The following TRIM11 variants were observed in gnomAD, a reference collection of about 807,000 sequenced individuals.
TRIM11 encodes tripartite motif containing 11.
TRIM11 carries 15 observed loss-of-function variants against 33.4 expected under a neutral mutation model. The ratio of observed to expected loss-of-function variants is 0.45; its 90% CI spans 0.30 to 0.69. The LOEUF (loss-of-function observed/expected upper bound fraction) is 0.69. TRIM11 is among the 30% of genes least tolerant of loss of function. The probability of loss-of-function intolerance (pLI) is 0.08; values close to 1 mark genes in which losing one functional copy is unlikely to be tolerated. For missense variants in TRIM11, 499 were observed against 667.6 expected (o/e 0.75, Z 2.78); for synonymous variants, 281 against 302.6 (o/e 0.93, Z 0.74).
rs2074959759 is a variant in TRIM11, at chr1:228,394,477, C to T, written c.*228G>A. 4 of 550,834 alleles carry T rather than the reference C, an allele frequency of 7.3e-6. No homozygotes were observed. Among genetic ancestry groups the T allele is most frequent in the Middle Eastern group, 4.7e-4 (1 of 2,134 alleles). The allele number at this position is 550,834 out of a possible 1,614,324, so 34.1% of individuals were successfully genotyped here. ...AGGGCTGTTGGCATTAAGTGGCACC[C>T]GGTGGCTGGAGGGGTCTCCCAGGGA... On this transcript the variant is annotated 3_prime_UTR_variant, in exon 6 of 6. Coordinates refer to ENST00000284551, the MANE Select transcript of TRIM11 (RefSeq NM_145214.3). The surrounding 1 kb of genome is among the most constrained non-coding windows in gnomAD (Gnocchi z 6.2).
intron 3 of TRIM11, among the ~76,000 whole-genome samples, chr1:228,399,347 G>A (rs918780432): frequency 1.3e-5 from 2 of 152,174 alleles, no homozygotes; most frequent in African/African-American, 4.8e-5. Flanking sequence ...GGACCTCCCT[G>A]AAGCCTTGTA....
rs1001801488 is a variant in TRIM11, at chr1:228,394,563, C to T, written c.*142G>A. 5.3e-6 allele frequency: 5 copies of T among 945,336 alleles called. No individual in the cohort carries two copies. The highest frequency in any genetic ancestry group is 6.1e-6 in the Non-Finnish European group (4 of 653,904). 58.6% of individuals were successfully genotyped at this position (945,336 alleles called of 1,614,324 possible). On this transcript the variant is annotated 3_prime_UTR_variant, in exon 6 of 6. Coordinates refer to ENST00000284551, the MANE Select transcript of TRIM11 (RefSeq NM_145214.3). This position sits in a 1 kb window ranked among gnomAD's most constrained non-coding sequence, Gnocchi z 6.2. ...TGGAGTGCTAGAATTGGGGTTCTCC[C>T]ACGCAGGCTCAGAAAGGCACCAGGA...
In TRIM11 at chr1:228,394,047, GC is replaced by G. The variant is rs2074955791; in HGVS notation, c.*657del. 6.6e-6 allele frequency: 1 copy of G among 152,358 alleles called. No homozygotes were observed. Among genetic ancestry groups the G allele is most frequent in the South Asian group, 2.1e-4 (1 of 4,834 alleles). 9.4% of individuals were successfully genotyped at this position (152,358 alleles called of 1,614,324 possible). On this transcript the variant is annotated 3_prime_UTR_variant, in exon 6 of 6. Coordinates refer to ENST00000284551, the MANE Select transcript of TRIM11 (RefSeq NM_145214.3). The surrounding 1 kb of genome is among the most constrained non-coding windows in gnomAD (Gnocchi z 6.2). The stretch of plus-strand genomic sequence containing the variant: ...TTCTGGGCTCTGCTCTCTCCTCTAG[GC>G]CCACACACCTGCTGAACAGACATCT...
chr1:228,396,835 A>G (rs2074990357), intron 5 of TRIM11, 112 bp downstream of exon 5: 2 of 968,596 alleles, frequency 2.1e-6, no homozygotes. Flanking sequence ...CCACCATGAC[A>G]CTGTGAGTTT....
chr1:228,394,940 T>C lies in TRIM11; in HGVS notation c.1172A>G (p.Glu391Gly), dbSNP rs781264146. The stretch of plus-strand genomic sequence containing the variant: ...GTCCCGGAGTGGAGCCAAGGCCCGT[T>C]CCGAGGAATTGTAATAGCTCCCCAG... ...VFLGSYYNSS[E>G]RALAPLRDPP... Residue 391 changes from glutamate (E) to glycine (G), a missense_variant, in exon 6 of 6, where the codon GAA (glutamate) becomes GGA (glycine). Coordinates refer to ENST00000284551, the MANE Select transcript of TRIM11 (RefSeq NM_145214.3). This position sits in a 1 kb window ranked among gnomAD's most constrained non-coding sequence, Gnocchi z 6.2. The C allele has an allele frequency of 1.9e-6, 3 of 1,613,934 alleles. No individual in the cohort carries two copies. The African/African-American group carries it at 4.0e-5, about 22-fold the overall frequency.
In TRIM11 at chr1:228,395,904, C is replaced by T. The variant is rs2074982786; in HGVS notation, c.860-652G>A. ...AACCCTGACCACTCCGATTTCAGAT[C>T]TATCCACCTCTGGAGGCCTGCACAC... On this transcript the variant is annotated intron_variant, in intron 5 of 5. Transcript: ENST00000284551. This position sits in a 1 kb window ranked among gnomAD's most constrained non-coding sequence, Gnocchi z 4.8. 1 of 152,300 alleles carries T rather than the reference C, an allele frequency of 6.6e-6. No individual in the cohort carries two copies. The highest frequency in any genetic ancestry group is 2.1e-4 in the South Asian group (1 of 4,838). 9.4% of individuals were successfully genotyped at this position (152,300 alleles called of 1,614,324 possible).
At position 228,395,091 on chromosome 1, in the gene TRIM11, G is replaced by T. The variant is rs778866651; in HGVS notation, c.1021C>A (p.Arg341Ser). 3 of 1,603,830 alleles carry T rather than the reference G, an allele frequency of 1.9e-6. No homozygotes were observed. The highest frequency in any genetic ancestry group is 3.4e-5 in the Admixed American group (2 of 59,476). Reference protein sequence around the residue: ...VLGQERFTSGRHYWEVEVGDR... With the variant: ...VLGQERFTSGSHYWEVEVGDR... ...CCAACCTCCACCTCCCAGTAGTGGC[G>T]GCCTGAGGTGAAGCGCTCCTGGCCC... Residue 341 changes from arginine (R) to serine (S), a missense_variant, in exon 6 of 6, where the codon CGC becomes AGC. Physicochemically the swap from Arg to Ser is moderately radical, Grantham distance 110. Coordinates refer to ENST00000284551, the MANE Select transcript of TRIM11 (RefSeq NM_145214.3). The surrounding 1 kb of genome is among the most constrained non-coding windows in gnomAD (Gnocchi z 4.8).
chr1:228,397,384 T>C (rs2074995989), intron 3 of TRIM11: 2 of 605,656 alleles, frequency 3.3e-6, no homozygotes, highest in East Asian at 2.8e-5. Context: ...GCATCACCAA[T>C]GGGGTGCAGC....
Position 228,400,943 on chromosome 1 carries a change from G to A in TRIM11, c.735+21C>T. The A allele has an allele frequency of 6.5e-7, 1 of 1,529,096 alleles. No individual in the cohort carries two copies. 94.7% of individuals were successfully genotyped at this position (1,529,096 alleles called of 1,614,324 possible). A position where few individuals can be genotyped will look rare whatever the true frequency, so the allele number is the denominator to read the frequency against. On this transcript the variant is annotated intron_variant, in intron 3 of 5. Transcript: ENST00000284551. This position sits in a 1 kb window ranked among gnomAD's most constrained non-coding sequence, Gnocchi z 4.5. ...AGGCCATGCCCGTGTGGCCACCATG[G>A]CTGCTCCCCGCCCAGCTCACCTGCA... is the stretch of plus-strand genomic sequence containing the variant.
At position 228,397,130 on chromosome 1, in the gene TRIM11, G is replaced by A; in HGVS notation, c.758+13C>T. ...CCCTCCTGCCCCCCCTCCAGGAGAGGCTGGGTTCGTACCTGCGCAGGGCGT... is the reference window on the plus strand; with the variant it reads ...CCCTCCTGCCCCCCCTCCAGGAGAGACTGGGTTCGTACCTGCGCAGGGCGT... On this transcript the variant is annotated intron_variant, in intron 4 of 5. Coordinates refer to ENST00000284551, the MANE Select transcript of TRIM11 (RefSeq NM_145214.3). 6.2e-7 allele frequency: 1 copy of A among 1,613,906 alleles called. No homozygotes were observed. The highest frequency in any genetic ancestry group is 8.5e-7 in the Non-Finnish European group (1 of 1,179,872).
Position 228,406,189 on chromosome 1 carries a change from CGCGGTGCGCCCAGT to C in TRIM11, c.359_372del (p.His120ArgfsTer38). On this transcript the variant is annotated frameshift_variant, in exon 1 of 6. Coordinates refer to ENST00000284551, the MANE Select transcript of TRIM11 (RefSeq NM_145214.3). LOFTEE classifies it high-confidence loss of function. This position sits in a 1 kb window ranked among gnomAD's most constrained non-coding sequence, Gnocchi z 8.2. Reference sequence around the variant, plus strand: ...TCGGCCGCGTCCTGCAGCGGCCGCACGCGGTGCGCCCAGTGCTCCCCAGAGCGCTCGCAGGCCGC... The same window carrying C: ...TCGGCCGCGTCCTGCAGCGGCCGCACGCTCCCCAGAGCGCTCGCAGGCCGC... 7.0e-7 allele frequency: 1 copy of C among 1,435,020 alleles called. No individual in the cohort carries two copies. Among genetic ancestry groups the C allele is most frequent in the Non-Finnish European group, 9.1e-7 (1 of 1,102,848 alleles). The allele number at this position is 1,435,020 out of a possible 1,614,324, so 88.9% of individuals were successfully genotyped here.
In TRIM11 at chr1:228,401,064, C is replaced by T. The variant is rs771612251; in HGVS notation, c.635G>A (p.Arg212Gln). The change falls in exon 3 of 6, where the codon CGG (arginine) becomes CAG (glutamine). Residue 212 changes from arginine (R) to glutamine (Q), a missense_variant. By Grantham distance (43) the Arg-to-Gln change is conservative. Transcript: ENST00000284551. This position sits in a 1 kb window ranked among gnomAD's most constrained non-coding sequence, Gnocchi z 6.1. ...EEELEVLPRLREGAAHLGQQS... is the reference protein window; with the variant it reads ...EEELEVLPRLQEGAAHLGQQS... ...CTGGCCTAGGTGGGCTGCGCCCTCC[C>T]GCAGCCGGGGCAGCACCTCCAGCTC... 54 of 1,612,782 alleles carry T rather than the reference C, an allele frequency of 3.3e-5. No individual in the cohort carries two copies. The highest frequency in any genetic ancestry group is 1.1e-4 in the South Asian group (10 of 91,050).
intron 3 of TRIM11, among the ~76,000 whole-genome samples, chr1:228,399,933 A>C (rs1205283247): frequency 6.6e-6 from 1 of 151,974 alleles, no homozygotes; most frequent in Non-Finnish European, 1.5e-5. Context: ...AAAAAAGCTT[A>C]CAATAGAAAT....
intron 1 of TRIM11, chr1:228,405,052 T>C (rs1050109625): frequency 6.6e-5 from 10 of 152,252 alleles, no homozygotes; most frequent in South Asian, 2.1e-4. Context: ...GTCAACTCTA[T>C]AGAGCTATTG....
intron 3 of TRIM11, among the ~76,000 whole-genome samples, chr1:228,399,329 G>A (rs1262316054): frequency 6.6e-6 from 1 of 152,190 alleles, no homozygotes; most frequent in Non-Finnish European, 1.5e-5. Flanking sequence ...AGGTTGGGGG[G>A]ACAGGAGGGA....
At chr1:228,405,876 C>G (rs905067699) in intron 1 of TRIM11, 8 of 390,984 alleles carry the variant, frequency 2.0e-5, no homozygotes, top group Non-Finnish European at 3.2e-5. Flanking sequence ...TAGCCTCTAT[C>G]TATGAGAGGT....
chr1:228,406,324 G>C lies in TRIM11; in HGVS notation c.238C>G (p.Arg80Gly). 3 of 1,471,556 alleles carry C rather than the reference G, an allele frequency of 2.0e-6. No individual in the cohort carries two copies. Among genetic ancestry groups the C allele is most frequent in the Non-Finnish European group, 2.7e-6 (3 of 1,114,404 alleles). 91.2% of individuals were successfully genotyped at this position (1,471,556 alleles called of 1,614,324 possible). The change falls in exon 1 of 6, where the codon CGC (arginine) becomes GGC (glycine). Residue 80 changes from arginine to glycine, a missense_variant. Coordinates refer to ENST00000284551, the MANE Select transcript of TRIM11 (RefSeq NM_145214.3). The surrounding 1 kb of genome is among the most constrained non-coding windows in gnomAD (Gnocchi z 8.2). Reference protein sequence around the residue: ...PLAKMAEMARRLHPPSPVPQG... With the variant: ...PLAKMAEMARGLHPPSPVPQG... ...GGGACCGGCGACGGCGGGTGCAGGC[G>C]CCGCGCCATCTCGGCCATCTTAGCA... is the stretch of plus-strand genomic sequence containing the variant.
At chr1:228,405,680 C>T (rs1329045548) in intron 1 of TRIM11, 1 of 155,654 alleles carries the variant, frequency 6.4e-6, no homozygotes, top group Non-Finnish European at 1.4e-5. Flanking sequence ...TCATCCTGCC[C>T]AGTCTGGGGC....
At position 228,396,958 on chromosome 1, in the gene TRIM11, C is replaced by T. The variant is rs149358976; in HGVS notation, c.848G>A (p.Arg283Gln). ...GCCTCCACACCTACCTCGAAACCTC[C>T]GCAGTGTCTCTACCAGTCCCGGGAC... Reference protein sequence around the residue: ...CRVPGLVETLRRFRGDVTLDP... With the variant: ...CRVPGLVETLQRFRGDVTLDP... Residue 283 changes from arginine to glutamine, a missense_variant, in exon 5 of 6, where the codon CGG becomes CAG. Transcript: ENST00000284551. 9.3e-4 allele frequency: 1,494 copies of T among 1,613,990 alleles called. 1 individual carries two copies. Among genetic ancestry groups the T allele is most frequent in the Non-Finnish European group, 1.2e-3 (1,407 of 1,180,000 alleles).
Sources: allele counts gnomAD v4.1 joint callset (sites outside exome capture counted in the v4.1 genomes callset), GRCh38; gene constraint gnomAD v4.1.1; non-coding constraint Gnocchi (gnomAD v3.1); transcripts MANE v1.5; gene names NCBI Gene and HGNC (gene_info 2026-07-23, HGNC 2026-07-21).